Variants in PODNL1 observed in about 807,000 individuals in gnomAD.
The protein encoded by PODNL1 is podocan-like protein 1.
PODNL1 carries 50 observed loss-of-function variants against 45.1 expected under a neutral mutation model. The observed-to-expected ratio is 1.11, with a 90% CI of 0.88 to 1.40. The LOEUF (loss-of-function observed/expected upper bound fraction) is 1.40, where lower values mean the gene tolerates loss of function less well. Among genes scored for constraint, PODNL1 ranks in the 40% most tolerant of loss-of-function variants. The pLI is 0.00. For missense variants in PODNL1, 788 were observed against 793.3 expected, an observed-to-expected ratio of 0.99 and a Z score of 0.08; for synonymous variants, 406 against 372.5, an observed-to-expected ratio of 1.09 and a Z score of -1.04.
chr19:13,946,484 G>A (rs1972818978), intron 1 of PODNL1, among the ~76,000 whole-genome samples: 1 of 151,998 alleles, frequency 6.6e-6, no homozygotes, highest in Non-Finnish European at 1.5e-5. Flanking sequence ...GGGATGACCT[G>A]TAAAAAGGAA....
intron 1 of PODNL1, among the ~76,000 whole-genome samples, chr19:13,948,841 G>A (rs1348971238): frequency 6.6e-6 from 1 of 150,524 alleles, no homozygotes; most frequent in Non-Finnish European, 1.5e-5. Flanking sequence ...CTACTTGGGA[G>A]GCTGAGGCAG....
At chr19:13,945,806 T>C (rs1025634451) in intron 1 of PODNL1, among the ~76,000 whole-genome samples, 5 of 151,390 alleles carry the variant, frequency 3.3e-5, no homozygotes, top group Non-Finnish European at 5.9e-5. Flanking sequence ...GGAGAATCGC[T>C]TGAACCTGGG....
chr19:13,947,379 G>A (rs917339247), intron 1 of PODNL1, among the ~76,000 whole-genome samples: 10 of 150,768 alleles, frequency 6.6e-5, no homozygotes, highest in African/African-American at 2.2e-4. Context: ...TATTTGGGAG[G>A]CTGACGCAGG....
intron 1 of PODNL1, among the ~76,000 whole-genome samples, chr19:13,947,170 GAAAAAAAAAAAAA>G (rs758733245): frequency 0.019 from 505 of 27,100 alleles, 9 homozygotes; most frequent in African/African-American, 0.06. Flanking sequence ...CTCCATCTCA[GAAAAAAAAAAAAA>G]AAAAAAAAAA....
chr19:13,933,581 G>T lies in PODNL1; in HGVS notation c.768-126C>A. ...CTGGAGATTTTGACTTGGGAGTGAT[G>T]CGTGGAGAGAGCTGGGTGGGAGGTA... On this transcript the variant is annotated intron_variant, in intron 7 of 9. Coordinates refer to ENST00000588872, the MANE Select transcript of PODNL1 (RefSeq NM_001370095.3). This position sits in a 1 kb window ranked among gnomAD's most constrained non-coding sequence, Gnocchi z 5.2. 1 of 1,092,228 alleles carries T rather than the reference G, an allele frequency of 9.2e-7. No homozygotes were observed. The highest frequency in any genetic ancestry group is 1.3e-6 in the Non-Finnish European group (1 of 782,188). 67.7% of individuals were successfully genotyped at this position (1,092,228 alleles called of 1,614,324 possible).
rs557790501 is a variant in PODNL1 at position 13,932,949 on chromosome 19, CGCAGGCCAGTGG to C, written c.1262_1273del (p.Pro421_Leu424del). On this transcript the variant is annotated inframe_deletion, in exon 8 of 10. Coordinates refer to ENST00000588872, the MANE Select transcript of PODNL1 (RefSeq NM_001370095.3). ...CTGGTTGCGTTGCAGCTGCAGGGTG[CGCAGGCCAGTGG>C]GCAGGCCCATGGGCAGCCGGGTTAG... The C allele has an allele frequency of 4.1e-5, 64 of 1,561,822 alleles. No homozygotes were observed. The South Asian group carries it at 5.0e-4, about 12-fold the overall frequency.
rs1408435020 is a variant in PODNL1 at position 13,935,985 on chromosome 19, T to G, written c.379A>C (p.Asn127His). The change falls in exon 4 of 10, where the codon AAC becomes CAC. Residue 127 changes from asparagine (N) to histidine (H), a missense_variant. Transcript: ENST00000588872. ...GGGTGGGGCTGGGGGCTCACCTTGT[T>G]GTGAGCCACGCAGAGGTGCTGCAGC... The part of the protein sequence containing the change: ...TQLQHLCVAH[N>H]KLSVAPQFLP... The G allele has an allele frequency of 6.4e-7, 1 of 1,552,272 alleles. No homozygotes were observed. The highest frequency in any genetic ancestry group is 2.4e-5 in the East Asian group (1 of 41,132).
chr19:13,938,296 A>C lies in PODNL1; in HGVS notation c.-115T>G. ...GGCCACCACCGCCCCCCATCTCCAG[A>C]CCCATGCCACCCCCCACAACAGCCT... is the stretch of plus-strand genomic sequence containing the variant. On this transcript the variant is annotated 5_prime_UTR_variant, in exon 1 of 10. Coordinates refer to ENST00000588872, the MANE Select transcript of PODNL1 (RefSeq NM_001370095.3). 1 of 1,463,818 alleles carries C rather than the reference A, an allele frequency of 6.8e-7. No individual in the cohort carries two copies. The highest frequency in any genetic ancestry group is 2.5e-5 in the Admixed American group (1 of 39,372). 90.7% of individuals were successfully genotyped at this position (1,463,818 alleles called of 1,614,324 possible). A position where few individuals can be genotyped will look rare whatever the true frequency, so the allele number is the denominator to read the frequency against.
intron 1 of PODNL1, 30 bp from the exon 2 acceptor site, chr19:13,938,036 C>T: frequency 1.4e-6 from 2 of 1,475,208 alleles, no homozygotes; most frequent in Non-Finnish European, 9.1e-7. Flanking sequence ...AGCGTGTCTC[C>T]AGGCTGGGCG....
intron 1 of PODNL1, among the ~76,000 whole-genome samples, chr19:13,948,075 C>T (rs749329415): frequency 3.0e-4 from 46 of 151,968 alleles, no homozygotes; most frequent in Non-Finnish European, 5.3e-4. Flanking sequence ...GGTTGGTCTC[C>T]GGGGATCAAG....
chr19:13,942,527 C>G (rs1383077843), upstream of PODNL1, among the ~76,000 whole-genome samples: 1 of 152,216 alleles, frequency 6.6e-6, no homozygotes, highest in East Asian at 1.9e-4. Flanking sequence ...AACTCCCCTT[C>G]TGCCACACTG....
At chr19:13,949,986 G>A (rs990719528) in intron 1 of PODNL1, among the ~76,000 whole-genome samples, 19 of 151,822 alleles carry the variant, frequency 1.3e-4, no homozygotes, top group African/African-American at 4.1e-4. Context: ...TCAGCCTCCC[G>A]AGAAGCTGGA....
At chr19:13,934,021 T>G in intron 6 of PODNL1, 28 bp from the exon 7 acceptor site, 1 of 1,566,428 alleles carries the variant, frequency 6.4e-7, no homozygotes, top group South Asian at 1.2e-5. Context: ...GAATGAGACT[T>G]GAGTCTGGGA....
chr19:13,931,679 A>T lies in PODNL1; in HGVS notation c.*58T>A. 8.1e-7 allele frequency: 1 copy of T among 1,230,168 alleles called. No individual in the cohort carries two copies. The highest frequency in any genetic ancestry group is 1.0e-6 in the Non-Finnish European group (1 of 986,802). 76.2% of individuals were successfully genotyped at this position (1,230,168 alleles called of 1,614,324 possible). The stretch of plus-strand genomic sequence containing the variant: ...GGCCCCTGGTGGGCGTTGTCTCCTC[A>T]GTCCACGGCCCAGCGGAGTCCCAGG... On this transcript the variant is annotated 3_prime_UTR_variant, in exon 10 of 10. Transcript: ENST00000588872.
Position 13,932,915 on chromosome 19 carries a change from C to G in PODNL1, c.1308G>C (p.Met436Ile). 1 of 1,582,860 alleles carries G rather than the reference C, an allele frequency of 6.3e-7. No homozygotes were observed. The highest frequency in any genetic ancestry group is 8.6e-7 in the Non-Finnish European group (1 of 1,166,580). ...TLQLQRNQLR[M>I]LEPEPLAGLD... ...GGCCGGCCAGAGGCTCGGGCTCGAGCATCCGCAGCTGGTTGCGTTGCAGCT... is the reference window on the plus strand; with the variant it reads ...GGCCGGCCAGAGGCTCGGGCTCGAGGATCCGCAGCTGGTTGCGTTGCAGCT... Residue 436 changes from methionine (M) to isoleucine (I), a missense_variant, in exon 8 of 10, where the codon ATG becomes ATC. This residue lies in a region of PODNL1 where 762 missense variants were observed against 750.9 expected (regional missense o/e 1.01). Transcript: ENST00000588872.
In PODNL1 at chr19:13,936,703, C is replaced by G. The variant is rs539531149; in HGVS notation, c.226-243G>C. The stretch of plus-strand genomic sequence containing the variant: ...AATCGACCCCAATTCCCCCAACACC[C>G]CCACAATCAACCCAAATGTGCCATC... On this transcript the variant is annotated intron_variant, in intron 2 of 9. Coordinates refer to ENST00000588872, the MANE Select transcript of PODNL1 (RefSeq NM_001370095.3). 6.6e-4 allele frequency among the ~76,000 whole-genome samples: 89 copies of G among 135,588 alleles called. 1 individual carries two copies. Among genetic ancestry groups the G allele is most frequent in the African/African-American group, 2.3e-3 (82 of 35,586 alleles). 89.0% of individuals were successfully genotyped at this position (135,588 alleles called of 152,430 possible).
upstream of PODNL1, among the ~76,000 whole-genome samples, chr19:13,940,755 G>A (rs1972632031): frequency 6.6e-6 from 1 of 151,952 alleles, no homozygotes; most frequent in Non-Finnish European, 1.5e-5. Flanking sequence ...GTGGTGGCAT[G>A]TGCCTGTAAT....
At chr19:13,941,808 A>G (rs1230808217), upstream of PODNL1, among the ~76,000 whole-genome samples, 1 of 152,076 alleles carries the variant, frequency 6.6e-6, no homozygotes, top group Non-Finnish European at 1.5e-5. Context: ...GCAAGACTCC[A>G]TCTCAAAGAA....
chr19:13,941,229 G>A (rs968429314), upstream of PODNL1, among the ~76,000 whole-genome samples: 3 of 150,960 alleles, frequency 2.0e-5, no homozygotes, highest in East Asian at 2.0e-4. Flanking sequence ...TCCTGGGCAC[G>A]GTGGTGCATG....
Sources: gnomAD v4.1 joint callset for allele counts (sites outside exome capture counted in the v4.1 genomes callset) on GRCh38, gnomAD v4.1.1 for gene constraint, gnomAD v4.1.1 regional missense constraint, Gnocchi (gnomAD v3.1) non-coding constraint, MANE v1.5 for transcripts, NCBI Gene and HGNC (gene_info 2026-07-23, HGNC 2026-07-21) for gene names.